SYNPR: variants seen among roughly 807,000 people sequenced by gnomAD.
SYNPR encodes the protein synaptoporin.
Under a neutral mutation model 32.9 loss-of-function variants are expected in SYNPR, and 23 were observed. The ratio of observed to expected loss-of-function variants is 0.70; its 90% CI spans 0.50 to 0.99. The LOEUF (loss-of-function observed/expected upper bound fraction) is 0.99, where lower values mean the gene tolerates loss of function less well. Ranked by LOEUF, SYNPR falls within the 50% of genes least tolerant of loss-of-function variation. The probability of loss-of-function intolerance (pLI) is 0.00; values close to 1 mark genes in which losing one functional copy is unlikely to be tolerated. For synonymous variants in SYNPR, 146 were observed against 135.9 expected, an observed-to-expected ratio of 1.07 and a Z score of -0.52; for missense variants, 318 against 349.3, an observed-to-expected ratio of 0.91 and a Z score of 0.71.
Position 63,518,262 on chromosome 3 carries a change from T to A in SYNPR, c.209+37306T>A, listed in dbSNP as rs976648541. 3.9e-5 allele frequency among the ~76,000 whole-genome samples: 6 copies of A among 152,044 alleles called. No individual in the cohort carries two copies. In the East Asian group the frequency reaches 1.2e-3, roughly 29 times the overall value. ...TTAGGAGACATGCCTTCACCCTTTG[T>A]TTAATAGGTTTTATTCACCTGTAAT... On this transcript the variant is annotated intron_variant, in intron 3 of 5. Coordinates refer to ENST00000478300, the MANE Select transcript of SYNPR (RefSeq NM_001130003.2).
chr3:63,202,798 G>A, the SYNPR span, among the ~76,000 whole-genome samples: 1 of 151,840 alleles, frequency 6.6e-6, no homozygotes, highest in Non-Finnish European at 1.5e-5. Context: ...GACTCCCCAA[G>A]AAAGAAGAAA....
At chr3:63,536,151 T>A (rs1702202485) in intron 3 of SYNPR, among the ~76,000 whole-genome samples, 1 of 152,016 alleles carries the variant, frequency 6.6e-6, no homozygotes, top group Non-Finnish European at 1.5e-5. Flanking sequence ...AAAAAACTTT[T>A]ACAAAGTAAT....
intron 4 of SYNPR, among the ~76,000 whole-genome samples, chr3:63,562,148 A>G (rs539573257): frequency 1.8e-4 from 28 of 152,244 alleles, no homozygotes; most frequent in Admixed American, 5.2e-4. Context: ...TCATTTTGTC[A>G]TGTTCCTTAT....
At chr3:63,579,511 A>G (rs998012594) in intron 4 of SYNPR, among the ~76,000 whole-genome samples, 1 of 151,932 alleles carries the variant, frequency 6.6e-6, no homozygotes, top group African/African-American at 2.4e-5. Context: ...TACTTCACTA[A>G]TTTACCTTGT....
chr3:63,615,174 C>A (rs752004674), intron 5 of SYNPR, 50 bp from the exon 6 acceptor site: 1 of 1,569,154 alleles, frequency 6.4e-7, no homozygotes, highest in South Asian at 1.2e-5. Context: ...TGAAATTTTT[C>A]TTGGGTTTTT....
intron 2 of SYNPR, among the ~76,000 whole-genome samples, chr3:63,349,269 A>G (rs9311873): frequency 0.014 from 2,054 of 152,108 alleles, 34 homozygotes; most frequent in African/African-American, 0.046. Context: ...CGCCCGGCTA[A>G]TTTTTGTATT....
chr3:63,302,396 T>A (rs1008772021), intron 2 of SYNPR, among the ~76,000 whole-genome samples: 1 of 152,062 alleles, frequency 6.6e-6, no homozygotes, highest in African/African-American at 2.4e-5. Flanking sequence ...CTCACCCTGG[T>A]GAGGTTGCTA....
At chr3:63,397,259 C>T (rs1281741411) in intron 2 of SYNPR, among the ~76,000 whole-genome samples, 1 of 152,106 alleles carries the variant, frequency 6.6e-6, no homozygotes, top group East Asian at 1.9e-4. Flanking sequence ...TGGAACCAAC[C>T]ACCTAACTTG....
chr3:63,614,031 C>G (rs909636754), intron 5 of SYNPR, among the ~76,000 whole-genome samples: 1 of 123,788 alleles, frequency 8.1e-6, no homozygotes, highest in African/African-American at 2.9e-5. Context: ...AGTGCCCCCT[C>G]TGCCACCACT....
chr3:63,359,299 G>C (rs187919810), intron 2 of SYNPR, among the ~76,000 whole-genome samples: 2 of 152,232 alleles, frequency 1.3e-5, no homozygotes, highest in African/African-American at 2.4e-5. Flanking sequence ...ACCTGCATGA[G>C]AGAATTTGAA....
At position 63,443,020 on chromosome 3, in the gene SYNPR, G is replaced by A. The variant is rs1700208697; in HGVS notation, c.85-37812G>A. The A allele has an allele frequency of 3.0e-6, 3 of 996,554 alleles. No homozygotes were observed. In the African/African-American group the frequency reaches 5.2e-5, roughly 17 times the overall value. The allele number at this position is 996,554 out of a possible 1,614,324, so 61.7% of individuals were successfully genotyped here. ...TAAGCACTGTGCTTGCAGGAGGAGG[G>A]GGCTGGCAGAGTAAAGGGGAGATGG... On this transcript the variant is annotated intron_variant, in intron 2 of 5. Coordinates refer to ENST00000478300, the MANE Select transcript of SYNPR (RefSeq NM_001130003.2).
At chr3:63,484,371 G>A (rs966194225) in intron 3 of SYNPR, among the ~76,000 whole-genome samples, 1 of 151,862 alleles carries the variant, frequency 6.6e-6, no homozygotes, top group African/African-American at 2.4e-5. Flanking sequence ...CATATTTTTG[G>A]TACTTCCTTT....
At chr3:63,376,065 T>C (rs1188870629) in intron 2 of SYNPR, among the ~76,000 whole-genome samples, 2 of 152,150 alleles carry the variant, frequency 1.3e-5, no homozygotes, top group African/African-American at 4.8e-5. Context: ...GTCTTCCCAA[T>C]TCATCAGCAA....
chr3:63,220,222 T>A, the SYNPR span, among the ~76,000 whole-genome samples: 1 of 152,182 alleles, frequency 6.6e-6, no homozygotes, highest in African/African-American at 2.4e-5. Flanking sequence ...TGACAAAACA[T>A]AGGACTCAAA....
chr3:63,487,856 C>G (rs748032279), intron 3 of SYNPR, among the ~76,000 whole-genome samples: 1 of 152,166 alleles, frequency 6.6e-6, no homozygotes, highest in African/African-American at 2.4e-5. Context: ...TCTTTGTAAT[C>G]TGTGAAATTC....
rs199849383 is a variant in SYNPR, at chr3:63,482,033, TCA to T, written c.209+1078_209+1079del. 9.4e-3 allele frequency among the ~76,000 whole-genome samples: 1,436 copies of T among 152,280 alleles called. 20 individuals are homozygous for T. Among genetic ancestry groups the T allele is most frequent in the African/African-American group, 0.032 (1,328 of 41,566 alleles). ...ATTGAACTACCAGAGCCCAGGACTCTCAGTCTTTTCCTCAAACTGGAGGAGAG... is the reference window on the plus strand; with the variant it reads ...ATTGAACTACCAGAGCCCAGGACTCTGTCTTTTCCTCAAACTGGAGGAGAG... On this transcript the variant is annotated intron_variant, in intron 3 of 5. Transcript: ENST00000478300.
intron 2 of SYNPR, among the ~76,000 whole-genome samples, chr3:63,382,567 T>C (rs971954877): frequency 3.3e-5 from 5 of 152,224 alleles, no homozygotes; most frequent in East Asian, 1.9e-4. Context: ...TCTGCCCTCA[T>C]TGGTATTTCC....
intron 4 of SYNPR, among the ~76,000 whole-genome samples, chr3:63,604,403 C>T (rs1399139112): frequency 6.6e-6 from 1 of 152,090 alleles, no homozygotes; most frequent in African/African-American, 2.4e-5. Flanking sequence ...ATGGTTTGCT[C>T]TTGTTTCCTT....
chr3:63,613,831 A>C (rs116032935), intron 5 of SYNPR, among the ~76,000 whole-genome samples: 14 of 152,218 alleles, frequency 9.2e-5, no homozygotes, highest in Non-Finnish European at 1.8e-4. Flanking sequence ...AAAAACAAAA[A>C]TGAAGTCTAC....
Sources: allele counts gnomAD v4.1 joint callset (sites outside exome capture counted in the v4.1 genomes callset), GRCh38; gene constraint gnomAD v4.1.1; transcripts MANE v1.5; gene names NCBI Gene and HGNC (gene_info 2026-07-23, HGNC 2026-07-21).